The following RYR1 variants were observed in gnomAD, a reference collection of about 807,000 sequenced individuals.
RYR1 encodes ryanodine receptor 1.
A neutral mutation model predicts 583.5 loss-of-function variants in RYR1; 342 were observed. The observed-to-expected ratio is 0.59, with a 90% CI of 0.54 to 0.64. RYR1 has a LOEUF of 0.64. Ranked by LOEUF, RYR1 falls within the 30% of genes least tolerant of loss-of-function variation. RYR1 has a pLI of 0.00. For missense variants in RYR1, 6,032 were observed against 6,917.2 expected (o/e 0.87, Z 4.54); for synonymous variants, 2,791 against 2,822.5 (o/e 0.99, Z 0.35).
chr19:38,515,476 T>C (rs1600882619), intron 64 of RYR1, among the ~76,000 whole-genome samples: 1 of 152,176 alleles, frequency 6.6e-6, no homozygotes, highest in South Asian at 2.1e-4. Flanking sequence ...GCTGCGGCTG[T>C]TTCCACCAGC....
chr19:38,443,813 G>C lies in RYR1; in HGVS notation c.424+17G>C, dbSNP rs773702439. ...ACGCAACAGGTGCAGCAGCTGGAGG[G>C]GATGGGGGTGTGAAGGGGCCCCGCA... On this transcript the variant is annotated intron_variant, in intron 5 of 105. Coordinates refer to ENST00000359596, the MANE Select transcript of RYR1 (RefSeq NM_000540.3). 6.2e-7 allele frequency: 1 copy of C among 1,613,752 alleles called. No individual in the cohort carries two copies. Among genetic ancestry groups the C allele is most frequent in the South Asian group, 1.1e-5 (1 of 91,078 alleles).
intron 2 of RYR1, among the ~76,000 whole-genome samples, chr19:38,441,623 G>T (rs73930576): frequency 0.051 from 7,772 of 151,466 alleles, 202 homozygotes; most frequent in Middle Eastern, 0.086. Context: ...GGGGACACCC[G>T]CAGGGGCCTG....
intron 79 of RYR1, 139 bp from the exon 80 acceptor site, chr19:38,535,002 C>T: frequency 9.6e-7 from 1 of 1,036,394 alleles, no homozygotes; most frequent in Non-Finnish European, 1.5e-6. Flanking sequence ...ATCCTTCAAT[C>T]ACGATCACCC....
At chr19:38,544,682 T>C (rs1266250910) in intron 87 of RYR1, among the ~76,000 whole-genome samples, 2 of 152,228 alleles carry the variant, frequency 1.3e-5, no homozygotes, top group African/African-American at 4.8e-5. Flanking sequence ...CGTTGTCATC[T>C]GACTTTTTAA....
intron 34 of RYR1, 97 bp downstream of exon 34, chr19:38,486,299 A>G (rs1237493362): frequency 1.4e-6 from 2 of 1,446,388 alleles, no homozygotes; most frequent in Non-Finnish European, 1.9e-6. Context: ...TTATGCATCC[A>G]ACCACCCATT....
chr19:38,443,634 T>C lies in RYR1; in HGVS notation c.345+2T>C, dbSNP rs753936366. ...CTCCGGCATGCACACAGCCGCATGG[T>C]GAGTGCAACCTCGGTGGGCGTGGGC... On this transcript the variant is annotated splice_donor_variant, in intron 4 of 105. Transcript: ENST00000359596. LOFTEE classifies it high-confidence loss of function. 6.2e-7 allele frequency: 1 copy of C among 1,614,048 alleles called. No homozygotes were observed. The highest frequency in any genetic ancestry group is 8.5e-7 in the Non-Finnish European group (1 of 1,179,982).
intron 67 of RYR1, among the ~76,000 whole-genome samples, chr19:38,522,203 T>C (rs1363209125): frequency 6.6e-6 from 1 of 152,174 alleles, no homozygotes; most frequent in Non-Finnish European, 1.5e-5. Context: ...TTTCTTAATA[T>C]GTAGGTTATA....
Position 38,500,734 on chromosome 19 carries a change from G to A in RYR1, c.7444+8G>A, listed in dbSNP as rs924904805. ...TTCCCACCCTGGGCAAAGGTGCAGA[G>A]GGGATGGAACTTGGCGAAGGAGTGA... On this transcript the variant is annotated splice_region_variant and intron_variant, in intron 46 of 105. Transcript: ENST00000359596. This position sits in a 1 kb window ranked among gnomAD's most constrained non-coding sequence, Gnocchi z 5.9. 1.9e-6 allele frequency: 3 copies of A among 1,614,054 alleles called. No individual in the cohort carries two copies. Among genetic ancestry groups the A allele is most frequent in the African/African-American group, 2.7e-5 (2 of 74,936 alleles).
Position 38,499,315 on chromosome 19 carries a change from G to T in RYR1, c.7027+72G>T, listed in dbSNP as rs1969989012. Reference sequence around the variant, plus strand: ...GTCACACACCTCCCTCGAGATGACTGCTCGCACCCTGAGCCACAGATGGGG... The same window carrying T: ...GTCACACACCTCCCTCGAGATGACTTCTCGCACCCTGAGCCACAGATGGGG... On this transcript the variant is annotated intron_variant, in intron 43 of 105. Transcript: ENST00000359596. This position sits in a 1 kb window ranked among gnomAD's most constrained non-coding sequence, Gnocchi z 7.3. The T allele has an allele frequency of 1.9e-6, 3 of 1,608,062 alleles. No homozygotes were observed. The highest frequency in any genetic ancestry group is 2.7e-5 in the African/African-American group (2 of 74,826).
At chr19:38,478,408 T>G (rs1968850482) in intron 30 of RYR1, 27 bp from the exon 31 acceptor site, 1 of 1,610,474 alleles carries the variant, frequency 6.2e-7, no homozygotes, top group South Asian at 1.1e-5. Flanking sequence ...ACATGAGGAG[T>G]GCAGTGACCG....
rs146914779 is a variant in RYR1, at chr19:38,525,477, C to G, written c.10601C>G (p.Thr3534Arg). ...MCAPTDQDLI[T>R]LAKTRYALKD... ...GCGCCCACCGACCAAGACCTCATCA[C>G]GCTGGCCAAGACCCGTTACGCCCTG... Residue 3534 changes from threonine to arginine, a missense_variant, in exon 71 of 106, where the codon ACG (threonine) becomes AGG (arginine). Physicochemically the swap from Thr to Arg is moderately conservative, Grantham distance 71 (BLOSUM62 -1). Around this residue, in one of 11 missense-constraint regions of RYR1, gnomAD observed 1,493 missense variants for 1,715.5 expected, o/e 0.87. Coordinates refer to ENST00000359596, the MANE Select transcript of RYR1 (RefSeq NM_000540.3). 6.2e-7 allele frequency: 1 copy of G among 1,613,990 alleles called. No homozygotes were observed. The highest frequency in any genetic ancestry group is 2.2e-5 in the East Asian group (1 of 44,880).
In RYR1 at chr19:38,458,462, C is replaced by T. The variant is rs73554237; in HGVS notation, c.2167+170C>T. On this transcript the variant is annotated intron_variant, in intron 18 of 105. Coordinates refer to ENST00000359596, the MANE Select transcript of RYR1 (RefSeq NM_000540.3). ...CCTAACCCCAGAGCTTCTAGATTCC[C>T]GGCTCTGACTTGTATCCTCGTTACC... Among the ~76,000 whole-genome samples the T allele has an allele frequency of 5.0e-3, 758 of 152,224 alleles. 5 individuals are homozygous for T. Among genetic ancestry groups the T allele is most frequent in the African/African-American group, 0.016 (674 of 41,534 alleles).
intron 83 of RYR1, 102 bp downstream of exon 83, chr19:38,536,869 G>A: frequency 7.7e-7 from 1 of 1,304,594 alleles, no homozygotes; most frequent in East Asian, 2.3e-5. Flanking sequence ...ACGTGGAGGG[G>A]AGGGAGGGAC....
intron 76 of RYR1, among the ~76,000 whole-genome samples, chr19:38,531,535 C>T (rs1435211184): frequency 6.6e-6 from 1 of 151,898 alleles, no homozygotes; most frequent in Non-Finnish European, 1.5e-5. Context: ...TGTTATTGAG[C>T]TGACAGGTGG....
In RYR1 at chr19:38,485,663, C is replaced by T. The variant is rs1182258955; in HGVS notation, c.5008C>T (p.Arg1670Cys). Residue 1670 changes from arginine to cysteine, a missense_variant, in exon 34 of 106, where the codon CGC becomes TGC. Transcript: ENST00000359596. ...RFHSHTLRLY[R>C]AVCALGNNRV... The stretch of plus-strand genomic sequence containing the variant: ...CCACTCGCACACCCTGCGCCTCTAC[C>T]GCGCTGTGTGCGCCCTGGGCAACAA... The T allele has an allele frequency of 1.2e-6, 2 of 1,610,806 alleles. No individual in the cohort carries two copies. The highest frequency in any genetic ancestry group is 1.7e-6 in the Non-Finnish European group (2 of 1,179,888).
At chr19:38,576,006 T>TGCCACCAGGCC in intron 97 of RYR1, 45 bp downstream of exon 97, 1 of 1,609,628 alleles carries the variant, frequency 6.2e-7, no homozygotes. Context: ...GGTCCCTGCC[T>TGCCACCAGGCC]GCCACCAGGC....
At position 38,455,479 on chromosome 19, in the gene RYR1, C is replaced by A. The variant is rs768530992; in HGVS notation, c.1605C>A (p.Asn535Lys). The change falls in exon 15 of 106, where the codon AAC (asparagine) becomes AAA (lysine). Residue 535 changes from asparagine (N) to lysine (K), a missense_variant. Transcript: ENST00000359596. ...LASLIRGNRS[N>K]CALFSTNLDW... Reference sequence around the variant, plus strand: ...CTCTAATCCGTGGCAATCGTAGCAACTGTGCCCTCTTCTCCACAAACTTGG... The same window carrying A: ...CTCTAATCCGTGGCAATCGTAGCAAATGTGCCCTCTTCTCCACAAACTTGG... 3.1e-6 allele frequency: 5 copies of A among 1,614,086 alleles called. No homozygotes were observed. The Admixed American group carries it at 5.0e-5, about 16-fold the overall frequency.
chr19:38,578,948 C>G lies in RYR1; in HGVS notation c.14364+744C>G, dbSNP rs146998233. Among the ~76,000 whole-genome samples the G allele has an allele frequency of 8.5e-3, 1,284 of 151,864 alleles. 21 individuals are homozygous for G. Among genetic ancestry groups the G allele is most frequent in the African/African-American group, 0.029 (1,216 of 41,388 alleles). ...CAACTTTTGTAGAGACGGTGAAACCCTGTCTCTACAAACAATACAAAAATT... is the reference window on the plus strand; with the variant it reads ...CAACTTTTGTAGAGACGGTGAAACCGTGTCTCTACAAACAATACAAAAATT... On this transcript the variant is annotated intron_variant, in intron 99 of 105. Transcript: ENST00000359596.
In RYR1 at chr19:38,444,716, C is replaced by A. The variant is rs1972857159; in HGVS notation, c.631+39C>A. The A allele has an allele frequency of 1.3e-6, 2 of 1,482,286 alleles. No individual in the cohort carries two copies. Among genetic ancestry groups the A allele is most frequent in the East Asian group, 4.7e-5 (2 of 42,956 alleles). The allele number at this position is 1,482,286 out of a possible 1,614,324, so 91.8% of individuals were successfully genotyped here. On this transcript the variant is annotated intron_variant, in intron 7 of 105. Transcript: ENST00000359596. This position sits in a 1 kb window ranked among gnomAD's most constrained non-coding sequence, Gnocchi z 5.1. ...ACCTCCCCCTAAATGGAGATCCCCCCAAAACAGACCCTTAATGTTGCCCTT... is the reference window on the plus strand; with the variant it reads ...ACCTCCCCCTAAATGGAGATCCCCCAAAAACAGACCCTTAATGTTGCCCTT...
Sources: gnomAD v4.1 joint callset for allele counts (sites outside exome capture counted in the v4.1 genomes callset) on GRCh38, gnomAD v4.1.1 for gene constraint, gnomAD v4.1.1 regional missense constraint, Gnocchi (gnomAD v3.1) non-coding constraint, MANE v1.5 for transcripts, NCBI Gene and HGNC (gene_info 2026-07-23, HGNC 2026-07-21) for gene names.